Variants in CHCHD3 observed in about 807,000 individuals in gnomAD.
CHCHD3 encodes MICOS complex subunit MIC19.
CHCHD3 carries 20 observed loss-of-function variants against 38.2 expected under a neutral mutation model. The ratio of observed to expected loss-of-function variants is 0.52; its 90% CI spans 0.37 to 0.76. CHCHD3 has a LOEUF of 0.76. CHCHD3 is among the 30% of genes least tolerant of loss of function. The pLI is 0.00. For missense variants in CHCHD3, 245 were observed against 279.2 expected (o/e 0.88, Z 0.87); for synonymous variants, 82 against 100.0 (o/e 0.82, Z 1.07).
intron 2 of CHCHD3, among the ~76,000 whole-genome samples, chr7:133,060,013 T>C (rs1814455360): frequency 1.3e-5 from 2 of 152,236 alleles, no homozygotes; most frequent in South Asian, 4.1e-4. Context: ...TGTAACACAA[T>C]GAAGTACATA....
At chr7:132,857,238 A>G (rs973677155) in intron 5 of CHCHD3, among the ~76,000 whole-genome samples, 4 of 152,096 alleles carry the variant, frequency 2.6e-5, no homozygotes, top group African/African-American at 9.6e-5. Context: ...TATTAAATCC[A>G]TGAAACTGGA....
At chr7:132,796,755 G>T (rs957628967) in intron 6 of CHCHD3, among the ~76,000 whole-genome samples, 178 bp from the exon 7 acceptor site, 1 of 152,158 alleles carries the variant, frequency 6.6e-6, no homozygotes, top group Non-Finnish European at 1.5e-5. Context: ...TGATAAAAAT[G>T]ACAAAGGGTA....
intron 2 of CHCHD3, among the ~76,000 whole-genome samples, chr7:133,056,962 T>C (rs1814356869): frequency 6.6e-6 from 1 of 152,216 alleles, no homozygotes; most frequent in Non-Finnish European, 1.5e-5. Context: ...CTCTCTCCTC[T>C]ATTCAGTGGT....
intron 5 of CHCHD3, among the ~76,000 whole-genome samples, chr7:132,861,075 A>G (rs934057656): frequency 1.3e-5 from 2 of 152,190 alleles, no homozygotes; most frequent in Non-Finnish European, 2.9e-5. Flanking sequence ...AGACTTAAAA[A>G]ACAGACAAAA....
At chr7:132,961,669 G>A (rs1230355240) in intron 4 of CHCHD3, among the ~76,000 whole-genome samples, 3 of 152,162 alleles carry the variant, frequency 2.0e-5, no homozygotes, top group African/African-American at 7.2e-5. Context: ...GTATACAATA[G>A]AGTATTATTA....
At chr7:132,984,208 G>A (rs1406734886) in intron 3 of CHCHD3, among the ~76,000 whole-genome samples, 11 of 151,504 alleles carry the variant, frequency 7.3e-5, no homozygotes, top group African/African-American at 2.4e-4. Flanking sequence ...GATTGCAGGC[G>A]CACGGCGCCA....
intron 4 of CHCHD3, among the ~76,000 whole-genome samples, chr7:132,947,015 C>T (rs914161215): frequency 1.3e-5 from 2 of 151,868 alleles, no homozygotes; most frequent in East Asian, 3.8e-4. Context: ...AACCTTTCCT[C>T]TTTCTCAAAA....
intron 4 of CHCHD3, among the ~76,000 whole-genome samples, chr7:132,952,637 A>C (rs1387441608): frequency 2.6e-5 from 4 of 152,224 alleles, no homozygotes; most frequent in African/African-American, 9.6e-5. Context: ...AAATACTATA[A>C]ACATAGGCCA....
At chr7:132,875,316 T>C (rs1808868966) in intron 5 of CHCHD3, among the ~76,000 whole-genome samples, 1 of 152,174 alleles carries the variant, frequency 6.6e-6, no homozygotes, top group South Asian at 2.1e-4. Flanking sequence ...GACGAACACA[T>C]TAATTTTAAA....
chr7:132,823,262 TG>T, intron 6 of CHCHD3, among the ~76,000 whole-genome samples: 1 of 152,134 alleles, frequency 6.6e-6, no homozygotes, highest in Non-Finnish European at 1.5e-5. Context: ...CCTTTATCCA[TG>T]GGGGATACAT....
chr7:132,941,539 G>A (rs753821702), intron 4 of CHCHD3, among the ~76,000 whole-genome samples: 2 of 152,088 alleles, frequency 1.3e-5, no homozygotes, highest in Admixed American at 6.6e-5. Context: ...ATCCTCCTTT[G>A]CAGTCAATGT....
intron 3 of CHCHD3, among the ~76,000 whole-genome samples, chr7:132,989,816 G>A (rs1245802960): frequency 6.6e-6 from 1 of 152,048 alleles, no homozygotes; most frequent in African/African-American, 2.4e-5. Flanking sequence ...CCACTTCTTT[G>A]TCTAACTTGA....
At chr7:132,876,135 C>T (rs1019782308) in intron 5 of CHCHD3, among the ~76,000 whole-genome samples, 1 of 152,058 alleles carries the variant, frequency 6.6e-6, no homozygotes, top group Admixed American at 6.5e-5. Context: ...TAGGAAAATA[C>T]GCATTGGCTG....
chr7:133,044,723 G>A (rs1198243551), intron 2 of CHCHD3, among the ~76,000 whole-genome samples: 1 of 152,240 alleles, frequency 6.6e-6, no homozygotes, highest in Non-Finnish European at 1.5e-5. Context: ...GAAAGCCCAA[G>A]GCTGGAAAGA....
chr7:132,877,124 G>A (rs1468996310), intron 5 of CHCHD3, among the ~76,000 whole-genome samples: 1 of 152,036 alleles, frequency 6.6e-6, no homozygotes, highest in East Asian at 1.9e-4. Flanking sequence ...ACTGACTCCA[G>A]TTAAAGGGAT....
chr7:132,928,784 G>C (rs1308277318), intron 4 of CHCHD3, among the ~76,000 whole-genome samples: 1 of 152,110 alleles, frequency 6.6e-6, no homozygotes, highest in South Asian at 2.1e-4. Flanking sequence ...GAAAATGGAG[G>C]CCATTCAGGA....
At chr7:133,076,685 C>T (rs1814999985) in intron 1 of CHCHD3, among the ~76,000 whole-genome samples, 2 of 152,160 alleles carry the variant, frequency 1.3e-5, no homozygotes, top group Non-Finnish European at 2.9e-5. Flanking sequence ...AGAAACACTA[C>T]CCACCAATCC....
At chr7:133,027,238 C>T (rs916860555) in intron 2 of CHCHD3, among the ~76,000 whole-genome samples, 9 of 151,886 alleles carry the variant, frequency 5.9e-5, no homozygotes, top group Admixed American at 4.6e-4. Flanking sequence ...CATGCCCAGA[C>T]GAAAATATTC....
chr7:132,918,842 T>C (rs771485373), intron 4 of CHCHD3, among the ~76,000 whole-genome samples: 5 of 152,110 alleles, frequency 3.3e-5, no homozygotes, highest in Non-Finnish European at 7.3e-5. Flanking sequence ...TAGAAACTAC[T>C]GGCAAATAGG....
Sources: allele counts gnomAD v4.1 joint callset (sites outside exome capture counted in the v4.1 genomes callset), GRCh38; gene constraint gnomAD v4.1.1; transcripts MANE v1.5; gene names NCBI Gene and HGNC (gene_info 2026-07-23, HGNC 2026-07-21).